Variants in IGF2R observed in about 807,000 individuals in gnomAD.
The protein encoded by IGF2R is insulin like growth factor 2 receptor, also known as cation-independent mannose-6-phosphate receptor.
IGF2R carries 91 observed loss-of-function variants against 270.6 expected under a neutral mutation model. That is an observed-to-expected ratio of 0.34 (90% confidence interval 0.28 to 0.40). The LOEUF (loss-of-function observed/expected upper bound fraction) is 0.40, where lower values mean the gene tolerates loss of function less well. Ranked by LOEUF, IGF2R falls within the 10% of genes least tolerant of loss-of-function variation. The pLI is 1.00. For synonymous variants in IGF2R, 1,316 were observed against 1,258.9 expected, an observed-to-expected ratio of 1.05 and a Z score of -0.96; for missense variants, 2,805 against 3,188.3, an observed-to-expected ratio of 0.88 and a Z score of 2.90.
At chr6:160,043,837 G>A (rs1229032903) in intron 12 of IGF2R, among the ~76,000 whole-genome samples, 2 of 152,216 alleles carry the variant, frequency 1.3e-5, no homozygotes, top group Non-Finnish European at 2.9e-5. Flanking sequence ...GCCAGGCTAT[G>A]AGAATAGTGA....
chr6:159,984,531 C>T (rs764579811), intron 1 of IGF2R, among the ~76,000 whole-genome samples: 1 of 152,178 alleles, frequency 6.6e-6, no homozygotes, highest in East Asian at 1.9e-4. Flanking sequence ...CTTTGCTGCA[C>T]CTTTTCTACG....
intron 1 of IGF2R, among the ~76,000 whole-genome samples, chr6:159,984,349 A>T (rs555984960): frequency 9.9e-5 from 15 of 152,122 alleles, no homozygotes; most frequent in African/African-American, 3.4e-4. Context: ...TTGTGGTAAT[A>T]CTGCTGTAAA....
intron 10 of IGF2R, among the ~76,000 whole-genome samples, chr6:160,037,082 G>C (rs965415859): frequency 1.3e-5 from 2 of 152,160 alleles, no homozygotes; most frequent in African/African-American, 4.8e-5. Flanking sequence ...ATGCGTCATT[G>C]ATGGCTCATA....
chr6:159,974,326 T>C (rs545078206), intron 1 of IGF2R, among the ~76,000 whole-genome samples: 1 of 152,366 alleles, frequency 6.6e-6, no homozygotes, highest in South Asian at 2.1e-4. Flanking sequence ...GGGTATTTTT[T>C]GTAGTGTCCT....
At chr6:160,054,337 A>G (rs999673014) in intron 19 of IGF2R, among the ~76,000 whole-genome samples, 2 of 152,196 alleles carry the variant, frequency 1.3e-5, no homozygotes, top group Non-Finnish European at 2.9e-5. Context: ...ACATTTAAAT[A>G]TATTACAGTT....
intron 24 of IGF2R, 39 bp from the exon 25 acceptor site, chr6:160,061,714 G>A (rs370155385): frequency 5.6e-6 from 9 of 1,613,288 alleles, no homozygotes; most frequent in East Asian, 2.2e-5. Flanking sequence ...CAAGGTCATC[G>A]CCTTCCTCAT....
Position 160,040,637 on chromosome 6 carries a change from G to A in IGF2R, c.1393G>A (p.Ala465Thr), listed in dbSNP as rs750670588. ...CTTCTTCACATGGGACACGGAATAC[G>A]CCTGTGTTAAGGAGAAGGAAGACCT... ...TYFFTWDTEY[A>T]CVKEKEDLLC... Residue 465 changes from alanine to threonine, a missense_variant, in exon 11 of 48, where the codon GCC (alanine) becomes ACC (threonine). Coordinates refer to ENST00000356956, the MANE Select transcript of IGF2R (RefSeq NM_000876.4). 6 of 1,613,994 alleles carry A rather than the reference G, an allele frequency of 3.7e-6. No individual in the cohort carries two copies. The East Asian group carries it at 6.7e-5, about 18-fold the overall frequency.
At chr6:159,985,623 G>A (rs1354180342) in intron 1 of IGF2R, among the ~76,000 whole-genome samples, 8 of 152,192 alleles carry the variant, frequency 5.3e-5, no homozygotes, top group African/African-American at 1.4e-4. Context: ...CCAGAGTGAC[G>A]GTGTCATTGG....
At chr6:159,992,537 CAT>C (rs886923263) in intron 2 of IGF2R, among the ~76,000 whole-genome samples, 7 of 151,904 alleles carry the variant, frequency 4.6e-5, no homozygotes, top group African/African-American at 1.2e-4. Flanking sequence ...TGCTGCAAAA[CAT>C]GTGATTTCAT....
chr6:160,105,222 G>A lies in IGF2R; in HGVS notation c.*138G>A, dbSNP rs1000044342. ...AAAAGGGAAGAGTTTTTGTGATGGG[G>A]GAGAGGGTGAAGGAGGTCAGGCCCC... On this transcript the variant is annotated 3_prime_UTR_variant, in exon 48 of 48. Transcript: ENST00000356956. The A allele has an allele frequency of 1.4e-6, 1 of 715,288 alleles. No homozygotes were observed. The highest frequency in any genetic ancestry group is 2.3e-6 in the Non-Finnish European group (1 of 438,948). The allele number at this position is 715,288 out of a possible 1,614,324, so 44.3% of individuals were successfully genotyped here.
chr6:160,093,621 C>A, intron 44 of IGF2R: 1 of 715,158 alleles, frequency 1.4e-6, no homozygotes. Context: ...GCCTTCCTTC[C>A]AGAGGGAGAG....
intron 41 of IGF2R, among the ~76,000 whole-genome samples, chr6:160,086,022 T>C (rs1779090883): frequency 6.6e-6 from 1 of 152,228 alleles, no homozygotes; most frequent in African/African-American, 2.4e-5. Flanking sequence ...CCCTGTAATC[T>C]TGCAGTATAT....
chr6:160,029,128 G>A (rs1022677318), intron 6 of IGF2R, among the ~76,000 whole-genome samples: 7 of 152,076 alleles, frequency 4.6e-5, no homozygotes, highest in East Asian at 1.9e-4. Flanking sequence ...GACTAGAGGC[G>A]CACTACCATG....
In IGF2R at chr6:160,107,200, G is replaced by A. The variant is rs1779640735; in HGVS notation, c.*2116G>A. The A allele has an allele frequency of 6.6e-6, 1 of 152,210 alleles. No individual in the cohort carries two copies. 9.4% of individuals were successfully genotyped at this position (152,210 alleles called of 1,614,324 possible). ...TACATTATGACCAAAGAAAGATGCT[G>A]GTCCTCAGGCATTCTACCCAGGGGG... On this transcript the variant is annotated 3_prime_UTR_variant, in exon 48 of 48. Coordinates refer to ENST00000356956, the MANE Select transcript of IGF2R (RefSeq NM_000876.4).
In IGF2R at chr6:159,991,275, A is replaced by G. The variant is rs1288319051; in HGVS notation, c.241A>G (p.Ser81Gly). The change falls in exon 2 of 48, where the codon AGT (serine) becomes GGT (glycine). Residue 81 changes from serine to glycine, a missense_variant. This residue lies in a region of IGF2R where 954 missense variants were observed against 981.1 expected (regional missense o/e 0.97). Transcript: ENST00000356956. ...SVDIVQCGPS[S>G]AVCMHDLKTR... Reference sequence around the variant, plus strand: ...GGATATTGTCCAGTGCGGGCCATCAAGTGCTGTTTGTATGCACGACTTGAA... The same window carrying G: ...GGATATTGTCCAGTGCGGGCCATCAGGTGCTGTTTGTATGCACGACTTGAA... 1 of 1,613,994 alleles carries G rather than the reference A, an allele frequency of 6.2e-7. No homozygotes were observed.
At chr6:160,100,401 CATT>C (rs552880727) in intron 45 of IGF2R, among the ~76,000 whole-genome samples, 136 of 152,148 alleles carry the variant, frequency 8.9e-4, no homozygotes, top group Admixed American at 8.9e-3. Flanking sequence ...TAAAGAGGGT[CATT>C]ATAATTTTAA....
chr6:160,073,503 G>A (rs1583293219), intron 34 of IGF2R, 34 bp downstream of exon 34: 1 of 1,609,194 alleles, frequency 6.2e-7, no homozygotes, highest in East Asian at 2.2e-5. Context: ...AGAAGTGCAT[G>A]TCCAGTGCCT....
chr6:160,035,854 G>A (rs539659657), intron 10 of IGF2R, among the ~76,000 whole-genome samples: 2 of 152,288 alleles, frequency 1.3e-5, no homozygotes, highest in Non-Finnish European at 2.9e-5. Context: ...GGGAGGCACC[G>A]AGGTCAGCTG....
At chr6:160,099,518 T>C (rs1779436981) in intron 45 of IGF2R, among the ~76,000 whole-genome samples, 1 of 152,032 alleles carries the variant, frequency 6.6e-6, no homozygotes, top group Admixed American at 6.6e-5. Context: ...AGGGGCCCGC[T>C]ACCATGCCCG....
Sources: allele counts gnomAD v4.1 joint callset (sites outside exome capture counted in the v4.1 genomes callset), GRCh38; gene constraint gnomAD v4.1.1; regional missense constraint gnomAD v4.1.1; transcripts MANE v1.5; gene names NCBI Gene and HGNC (gene_info 2026-07-23, HGNC 2026-07-21).